The following CACNA1E variants were observed in gnomAD, a reference collection of about 807,000 sequenced individuals.
CACNA1E encodes calcium voltage-gated channel subunit alpha1 E, also known as voltage-dependent R-type calcium channel subunit alpha-1E.
CACNA1E carries 40 observed loss-of-function variants against 259.2 expected under a neutral mutation model. The observed-to-expected ratio is 0.15, with a 90% CI of 0.12 to 0.20. The LOEUF (loss-of-function observed/expected upper bound fraction) is 0.20. CACNA1E is among the 10% of genes least tolerant of loss of function. The pLI, the probability that CACNA1E is intolerant of heterozygous loss-of-function variation, is 1.00. For missense variants in CACNA1E, 1,874 were observed against 3,040.1 expected, an observed-to-expected ratio of 0.62 and a Z score of 9.02; for synonymous variants, 1,104 against 1,138.5, an observed-to-expected ratio of 0.97 and a Z score of 0.61.
At chr1:181,360,237 C>T (rs1653767278) in intron 1 of CACNA1E, among the ~76,000 whole-genome samples, 1 of 152,202 alleles carries the variant, frequency 6.6e-6, no homozygotes, top group African/African-American at 2.4e-5. Flanking sequence ...CCCAGCACTT[C>T]CACTCCGAGG....
intron 3 of CACNA1E, among the ~76,000 whole-genome samples, chr1:181,534,850 A>C (rs1207093711): frequency 6.6e-6 from 1 of 152,152 alleles, no homozygotes; most frequent in Non-Finnish European, 1.5e-5. Flanking sequence ...GTAACAGATT[A>C]AACTTATTTT....
intron 18 of CACNA1E, among the ~76,000 whole-genome samples, chr1:181,726,393 T>A (rs1654909945): frequency 1.3e-5 from 2 of 152,170 alleles, no homozygotes; most frequent in South Asian, 4.1e-4. Context: ...TATAAGTAAA[T>A]GAAACAGGGT....
chr1:181,768,552 A>G (rs1316863093), intron 35 of CACNA1E, among the ~76,000 whole-genome samples: 2 of 152,332 alleles, frequency 1.3e-5, no homozygotes, highest in South Asian at 4.1e-4. Flanking sequence ...ACTGTGTCTC[A>G]TCCCACCAGA....
chr1:181,438,998 T>C (rs371078365), intron 2 of CACNA1E, among the ~76,000 whole-genome samples: 1 of 152,358 alleles, frequency 6.6e-6, no homozygotes, highest in African/African-American at 2.4e-5. Flanking sequence ...TAAACACATA[T>C]AGCAGCATGG....
At chr1:181,565,649 T>G (rs919514776) in intron 3 of CACNA1E, among the ~76,000 whole-genome samples, 1 of 152,218 alleles carries the variant, frequency 6.6e-6, no homozygotes, top group Non-Finnish European at 1.5e-5. Context: ...AGTATTGTTG[T>G]CAGAGGAAGA....
intron 3 of CACNA1E, among the ~76,000 whole-genome samples, chr1:181,575,941 T>C (rs1028373957): frequency 2.0e-5 from 3 of 152,230 alleles, no homozygotes; most frequent in African/African-American, 7.2e-5. Context: ...TTTTCAGTTC[T>C]ATTTTCTATG....
intron 25 of CACNA1E, among the ~76,000 whole-genome samples, chr1:181,743,257 G>C (rs1031310240): frequency 1.3e-5 from 2 of 152,228 alleles, no homozygotes; most frequent in Non-Finnish European, 2.9e-5. Flanking sequence ...CTCAAGAAAA[G>C]TCTGGTGAGT....
At chr1:181,412,522 A>G (rs540366897) in intron 1 of CACNA1E, among the ~76,000 whole-genome samples, 1 of 152,068 alleles carries the variant, frequency 6.6e-6, no homozygotes, top group South Asian at 2.1e-4. Flanking sequence ...GTGAGCCGTG[A>G]TTGCACCATT....
chr1:181,511,528 C>T lies in CACNA1E; in HGVS notation c.512+18C>T. The T allele has an allele frequency of 6.2e-7, 1 of 1,612,994 alleles. No individual in the cohort carries two copies. The highest frequency in any genetic ancestry group is 8.5e-7 in the Non-Finnish European group (1 of 1,179,676). On this transcript the variant is annotated intron_variant, in intron 3 of 47. Transcript: ENST00000367573. ...CTCAGTGGGTAAGTCCATTTTCTCT[C>T]TCTGTCTGTGTGTGTGTATGAAGGG...
chr1:181,326,172 T>A (rs1223415229), intron 1 of CACNA1E, among the ~76,000 whole-genome samples: 1 of 152,224 alleles, frequency 6.6e-6, no homozygotes, highest in East Asian at 1.9e-4. Context: ...TATGTACAGC[T>A]TTTTGAGGTA....
intron 6 of CACNA1E, among the ~76,000 whole-genome samples, chr1:181,582,567 G>T (rs896747324): frequency 1.3e-5 from 2 of 152,196 alleles, no homozygotes; most frequent in Non-Finnish European, 1.5e-5. Flanking sequence ...CGTGATTGTT[G>T]GTCCTCTTTA....
intron 43 of CACNA1E, among the ~76,000 whole-genome samples, chr1:181,789,128 C>T (rs879202452): frequency 2.0e-5 from 3 of 152,154 alleles, no homozygotes; most frequent in African/African-American, 7.2e-5. Context: ...TCCAAAGTGC[C>T]GAGAGTACAG....
intron 1 of CACNA1E, among the ~76,000 whole-genome samples, chr1:181,504,779 A>G (rs769503085): frequency 6.6e-6 from 1 of 152,238 alleles, no homozygotes; most frequent in Non-Finnish European, 1.5e-5. Flanking sequence ...AAACAAGTCA[A>G]CCATTCAAAG....
intron 25 of CACNA1E, among the ~76,000 whole-genome samples, chr1:181,747,980 G>T (rs918365475): frequency 5.3e-5 from 8 of 152,142 alleles, no homozygotes; most frequent in Admixed American, 5.2e-4. Flanking sequence ...ATTTCAAATG[G>T]CAATTTTAAA....
At chr1:181,631,295 C>T (rs142541761) in intron 6 of CACNA1E, among the ~76,000 whole-genome samples, 1 of 152,304 alleles carries the variant, frequency 6.6e-6, no homozygotes, top group African/African-American at 2.4e-5. Flanking sequence ...TCTGATGTTT[C>T]AGGTCCAGGG....
chr1:181,513,641 A>G (rs1666329894), intron 3 of CACNA1E, among the ~76,000 whole-genome samples: 1 of 152,192 alleles, frequency 6.6e-6, no homozygotes, highest in Non-Finnish European at 1.5e-5. Flanking sequence ...GGTCTGTTTG[A>G]CTGCATGAGA....
chr1:181,429,559 G>T (rs1659562468), intron 2 of CACNA1E, among the ~76,000 whole-genome samples: 1 of 152,222 alleles, frequency 6.6e-6, no homozygotes, highest in Non-Finnish European at 1.5e-5. Context: ...TAGTTTGCCT[G>T]GGTCTATTGC....
chr1:181,340,315 A>C (rs1392431146), intron 1 of CACNA1E, among the ~76,000 whole-genome samples: 1 of 152,096 alleles, frequency 6.6e-6, no homozygotes, highest in Non-Finnish European at 1.5e-5. Flanking sequence ...GTTTATTCAT[A>C]TGCCAGAATA....
At chr1:181,763,229 T>C (rs1658740097) in intron 33 of CACNA1E, among the ~76,000 whole-genome samples, 177 bp from the exon 34 acceptor site, 3 of 152,072 alleles carry the variant, frequency 2.0e-5, no homozygotes, top group Non-Finnish European at 4.4e-5. Flanking sequence ...AGAGCAGGCA[T>C]GGGAAGGCTT....
Sources: gnomAD v4.1 joint callset for allele counts (sites outside exome capture counted in the v4.1 genomes callset) on GRCh38, gnomAD v4.1.1 for gene constraint, MANE v1.5 for transcripts, NCBI Gene and HGNC (gene_info 2026-07-23, HGNC 2026-07-21) for gene names.